The following ZNF765 variants were observed in gnomAD, a reference collection of about 807,000 sequenced individuals.
ZNF765 encodes the protein zinc finger protein 765.
Under a neutral mutation model 44.7 loss-of-function variants are expected in ZNF765, and 37 were observed. The observed-to-expected ratio is 0.83, with a 90% confidence interval of 0.64 to 1.09. The LOEUF (loss-of-function observed/expected upper bound fraction) is 1.09. Among genes scored for constraint, ZNF765 ranks in the 50% least tolerant of loss-of-function variants. The pLI, the probability that ZNF765 is intolerant of heterozygous loss-of-function variation, is 0.00. For missense variants in ZNF765, 594 were observed against 626.1 expected (o/e 0.95, Z 0.55); for synonymous variants, 201 against 213.7 (o/e 0.94, Z 0.52).
Position 53,408,239 on chromosome 19 carries a change from A to G in ZNF765, c.684A>G (p.Ser228=). The G allele has an allele frequency of 6.2e-7, 1 of 1,614,202 alleles. No homozygotes were observed. The highest frequency in any genetic ancestry group is 8.5e-7 in the Non-Finnish European group (1 of 1,180,046). The change falls in exon 4 of 4, where the codon TCA becomes TCG. Residue 228 remains serine, a synonymous_variant. Transcript: ENST00000396408. ...NDSGKAYNCS[S]LLRKHQLIHL... The stretch of plus-strand genomic sequence containing the variant: ...GTGGCAAAGCCTATAATTGTAGCTC[A>G]CTCTTAAGGAAACATCAGTTAATCC...
At chr19:53,399,040 C>T (rs2085697023) in intron 2 of ZNF765, among the ~76,000 whole-genome samples, 3 of 151,900 alleles carry the variant, frequency 2.0e-5, no homozygotes, top group Admixed American at 1.3e-4. Flanking sequence ...TATAAGCCAC[C>T]ATGCCCAGCC....
intron 1 of ZNF765, among the ~76,000 whole-genome samples, chr19:53,396,001 A>AGG (rs1568771864): frequency 1.0e-4 from 4 of 40,176 alleles, no homozygotes; most frequent in African/African-American, 2.2e-4. Flanking sequence ...TGTGGGGGAA[A>AGG]AAAAAAAAAA....
At chr19:53,421,839 T>G (rs987329015) in intron 3 of ZNF765, among the ~76,000 whole-genome samples, 14 of 152,176 alleles carry the variant, frequency 9.2e-5, no homozygotes, top group Admixed American at 8.5e-4. Flanking sequence ...CTACCCTACT[T>G]TATTTTATGA....
chr19:53,396,376 C>G (rs1321311714), intron 1 of ZNF765, among the ~76,000 whole-genome samples: 2 of 152,156 alleles, frequency 1.3e-5, no homozygotes, highest in Non-Finnish European at 2.9e-5. Flanking sequence ...AAGGTACGCA[C>G]CGGCTCAGTG....
downstream of ZNF765, among the ~76,000 whole-genome samples, chr19:53,416,007 T>C (rs1382464178): frequency 1.3e-5 from 2 of 152,126 alleles, no homozygotes; most frequent in Non-Finnish European, 2.9e-5. Flanking sequence ...CAGGCTGCAG[T>C]GCAGTGGTGC....
In ZNF765 at chr19:53,408,370, A is replaced by G. The variant is rs1306035338; in HGVS notation, c.815A>G (p.Lys272Arg). ...TGTCACACTGGTGAGAAACCTTACAAGTGTAATGAGTGTGGCAAGACCTTC... is the reference window on the plus strand; with the variant it reads ...TGTCACACTGGTGAGAAACCTTACAGGTGTAATGAGTGTGGCAAGACCTTC... ...RRCHTGEKPYKCNECGKTFSQ... is the reference protein window; with the variant it reads ...RRCHTGEKPYRCNECGKTFSQ... Residue 272 changes from lysine (K) to arginine (R), a missense_variant, in exon 4 of 4, where the codon AAG becomes AGG. By Grantham distance (26) the Lys-to-Arg change is conservative (BLOSUM62 2). This residue lies in a region of ZNF765 where 567 missense variants were observed against 572.6 expected (regional missense o/e 0.99). Transcript: ENST00000396408. 30 of 1,614,198 alleles carry G rather than the reference A, an allele frequency of 1.9e-5. No homozygotes were observed. Among genetic ancestry groups the G allele is most frequent in the Non-Finnish European group, 2.5e-5 (29 of 1,180,006 alleles).
In ZNF765 at chr19:53,408,368, C is replaced by G; in HGVS notation, c.813C>G (p.Tyr271Ter). 6.2e-7 allele frequency: 1 copy of G among 1,614,206 alleles called. No homozygotes were observed. ...HRRCHTGEKP[Y>*]KCNECGKTFS... The stretch of plus-strand genomic sequence containing the variant: ...GATGTCACACTGGTGAGAAACCTTA[C>G]AAGTGTAATGAGTGTGGCAAGACCT... The change falls in exon 4 of 4, where the codon TAC becomes TAG. Residue 271 changes from tyrosine to a stop codon, truncating the protein, a stop_gained. Transcript: ENST00000396408. LOFTEE classifies it high-confidence loss of function.
intron 3 of ZNF765, among the ~76,000 whole-genome samples, chr19:53,406,391 G>T (rs1018249577): frequency 3.9e-5 from 6 of 151,974 alleles, no homozygotes; most frequent in Admixed American, 2.6e-4. Flanking sequence ...TCAGAAGGTA[G>T]TGATCTTAAC....
At chr19:53,401,059 G>A (rs1401770123) in intron 2 of ZNF765, among the ~76,000 whole-genome samples, 1 of 151,208 alleles carries the variant, frequency 6.6e-6, no homozygotes, top group Non-Finnish European at 1.5e-5. Flanking sequence ...GTAGTGCAGT[G>A]GTGCGATTTC....
intron 1 of ZNF765, among the ~76,000 whole-genome samples, chr19:53,396,418 A>C (rs2085671213): frequency 6.6e-6 from 1 of 152,346 alleles, no homozygotes; most frequent in East Asian, 1.9e-4. Context: ...GCATTTCAAC[A>C]AAGACAGAGT....
At chr19:53,405,896 A>G (rs544934053) in intron 3 of ZNF765, among the ~76,000 whole-genome samples, 28 of 101,400 alleles carry the variant, frequency 2.8e-4, no homozygotes, top group Non-Finnish European at 5.4e-4. Flanking sequence ...TAGATAATTA[A>G]TACCAACTAT....
chr19:53,420,725 G>A (rs557105168), intron 3 of ZNF765, among the ~76,000 whole-genome samples: 90 of 152,310 alleles, frequency 5.9e-4, no homozygotes, highest in African/African-American at 2.1e-3. Flanking sequence ...ATTTAGGGCT[G>A]TGCAGGCTGT....
Position 53,409,410 on chromosome 19 carries a change from C to A in ZNF765, c.*283C>A. 2 of 842,832 alleles carry A rather than the reference C, an allele frequency of 2.4e-6. No individual in the cohort carries two copies. Among genetic ancestry groups the A allele is most frequent in the Non-Finnish European group, 4.1e-6 (2 of 483,576 alleles). The allele number at this position is 842,832 out of a possible 1,614,324, so 52.2% of individuals were successfully genotyped here. Reference sequence around the variant, plus strand: ...AAGAAGCTTTCTGTTTCAAATCCAACCTTGAAAGACATAGGAGAATTCACA... The same window carrying A: ...AAGAAGCTTTCTGTTTCAAATCCAAACTTGAAAGACATAGGAGAATTCACA... On this transcript the variant is annotated 3_prime_UTR_variant, in exon 4 of 4. Transcript: ENST00000396408.
chr19:53,412,693 G>A (rs2085842690), downstream of ZNF765, among the ~76,000 whole-genome samples: 1 of 152,052 alleles, frequency 6.6e-6, no homozygotes, highest in Non-Finnish European at 1.5e-5. Flanking sequence ...GCTAATTTTT[G>A]TATTTTTAGT....
At chr19:53,425,104 C>T (rs77361404) in exon 4 of ZNF765, 12,669 of 152,326 alleles carry the variant, frequency 0.083, 669 homozygotes, top group African/African-American at 0.14. Flanking sequence ...CCGAAGCTGA[C>T]ACTGAGTTCA....
rs553234095 is a variant in ZNF765 at position 53,420,578 on chromosome 19, A to C, written c.143-2484A>C. ...CAGACTCTTACTGTGTCTATGTAGA[A>C]AGAAGTAGACATAAGAGACTCCATT... On this transcript the variant is annotated intron_variant, in intron 3 of 3. Coordinates refer to the ZNF765 transcript ENST00000594030. 5.3e-5 allele frequency among the ~76,000 whole-genome samples: 8 copies of C among 152,274 alleles called. 1 individual carries two copies. In the East Asian group the frequency reaches 1.5e-3, roughly 29 times the overall value.
At chr19:53,417,996 AAGG>A (rs2147106029) in intron 3 of ZNF765, among the ~76,000 whole-genome samples, 1 of 152,320 alleles carries the variant, frequency 6.6e-6, no homozygotes, top group South Asian at 2.1e-4. Flanking sequence ...TCCAGGGATC[AAGG>A]AGAAGAAAGA....
chr19:53,415,024 C>A (rs1268453561), downstream of ZNF765, among the ~76,000 whole-genome samples: 1 of 152,200 alleles, frequency 6.6e-6, no homozygotes, highest in Non-Finnish European at 1.5e-5. Context: ...GTAATCCCAG[C>A]ACTTTGGGAG....
intron 3 of ZNF765, among the ~76,000 whole-genome samples, chr19:53,418,271 G>A (rs1047286228): frequency 4.6e-5 from 7 of 152,018 alleles, no homozygotes; most frequent in Non-Finnish European, 8.8e-5. Flanking sequence ...CGTGGTGGCG[G>A]GTGCCTGTAG....
Sources: allele counts gnomAD v4.1 joint callset (sites outside exome capture counted in the v4.1 genomes callset), GRCh38; gene constraint gnomAD v4.1.1; regional missense constraint gnomAD v4.1.1; transcripts MANE v1.5; gene names NCBI Gene and HGNC (gene_info 2026-07-23, HGNC 2026-07-21).